The following MLLT1 variants were observed in gnomAD, a reference collection of about 807,000 sequenced individuals.
MLLT1 encodes MLLT1 super elongation complex subunit.
MLLT1 carries 11 observed loss-of-function variants against 55.1 expected under a neutral mutation model. The ratio of observed to expected loss-of-function variants is 0.20; its 90% CI spans 0.13 to 0.33. MLLT1 has a LOEUF of 0.33. MLLT1 is among the 10% of genes least tolerant of loss of function. The pLI is 1.00. For synonymous variants in MLLT1, 323 were observed against 320.1 expected (o/e 1.01, Z -0.10); for missense variants, 536 against 760.6 (o/e 0.70, Z 3.47).
intron 7 of MLLT1, 29 bp downstream of exon 7, chr19:6,217,925 C>T (rs368502695): frequency 1.6e-5 from 25 of 1,580,202 alleles, no homozygotes; most frequent in East Asian, 4.6e-5. Context: ...CGGCCCCATC[C>T]GTGCCCCCCA....
intron 3 of MLLT1, among the ~76,000 whole-genome samples, chr19:6,241,694 G>A (rs931430058): frequency 1.1e-4 from 17 of 152,208 alleles, no homozygotes; most frequent in Non-Finnish European, 2.2e-4. Flanking sequence ...TTCTCTGCCC[G>A]GCTCCAGACC....
intron 3 of MLLT1, among the ~76,000 whole-genome samples, chr19:6,252,994 T>C (rs1401869420): frequency 6.6e-6 from 1 of 152,012 alleles, no homozygotes; most frequent in African/African-American, 2.4e-5. Context: ...CTGGGCATGG[T>C]GGCTCACGAC....
chr19:6,271,444 C>T (rs1256442017), intron 1 of MLLT1, among the ~76,000 whole-genome samples: 1 of 152,108 alleles, frequency 6.6e-6, no homozygotes, highest in African/African-American at 2.4e-5. Flanking sequence ...CCTGCGGCCC[C>T]CTGGTGACCG....
intron 3 of MLLT1, among the ~76,000 whole-genome samples, chr19:6,243,571 C>T (rs2091136295): frequency 6.6e-6 from 1 of 152,198 alleles, no homozygotes; most frequent in Non-Finnish European, 1.5e-5. Context: ...GACTCGACCC[C>T]TTATGCAGGA....
In MLLT1 at chr19:6,230,851, T is replaced by G; in HGVS notation, c.277-138A>C. 1 of 1,074,104 alleles carries G rather than the reference T, an allele frequency of 9.3e-7. No homozygotes were observed. Among genetic ancestry groups the G allele is most frequent in the Non-Finnish European group, 1.4e-6 (1 of 740,442 alleles). 66.5% of individuals were successfully genotyped at this position (1,074,104 alleles called of 1,614,324 possible). ...CCTCCGATTTGCGCCCACTTCTCTC[T>G]CAGGGCACCTCCTGCCCTGCCCTTA... On this transcript the variant is annotated intron_variant, in intron 3 of 11. Transcript: ENST00000252674. This position sits in a 1 kb window ranked among gnomAD's most constrained non-coding sequence, Gnocchi z 9.0.
rs950288670 is a variant in MLLT1, at chr19:6,240,539, A to G, written c.277-9826T>C. ...GAACCCACCCCATATACAGGCACTC[A>G]AGTGCTACTCCTCATCACACGCTGG... On this transcript the variant is annotated intron_variant, in intron 3 of 11. Coordinates refer to ENST00000252674, the MANE Select transcript of MLLT1 (RefSeq NM_005934.4). The surrounding 1 kb of genome is among the most constrained non-coding windows in gnomAD (Gnocchi z 4.7). Among the ~76,000 whole-genome samples the G allele has an allele frequency of 6.6e-6, 1 of 152,156 alleles. No individual in the cohort carries two copies. The highest frequency in any genetic ancestry group is 2.4e-5 in the African/African-American group (1 of 41,436).
In MLLT1 at chr19:6,212,190, C is replaced by T. The variant is rs1041260525; in HGVS notation, c.*852G>A. 4.2e-5 allele frequency: 45 copies of T among 1,066,334 alleles called. No homozygotes were observed. Among genetic ancestry groups the T allele is most frequent in the East Asian group, 5.0e-5 (1 of 20,178 alleles). The allele number at this position is 1,066,334 out of a possible 1,614,324, so 66.1% of individuals were successfully genotyped here. A position where few individuals can be genotyped will look rare whatever the true frequency, so the allele number is the denominator to read the frequency against. On this transcript the variant is annotated 3_prime_UTR_variant, in exon 12 of 12. Coordinates refer to ENST00000252674, the MANE Select transcript of MLLT1 (RefSeq NM_005934.4). ...TGTTGGCGCTAGTCTGAGTAGAGCC[C>T]GAGAGCAGACTGGTGGCTCCCGGGC...
Position 6,210,571 on chromosome 19 carries a change from T to G in MLLT1, c.*2471A>C, listed in dbSNP as rs1568270542. 4.5e-6 allele frequency: 1 copy of G among 221,596 alleles called. No homozygotes were observed. Among genetic ancestry groups the G allele is most frequent in the Non-Finnish European group, 9.0e-6 (1 of 110,668 alleles). 13.7% of individuals were successfully genotyped at this position (221,596 alleles called of 1,614,324 possible). A position where few individuals can be genotyped will look rare whatever the true frequency, so the allele number is the denominator to read the frequency against. ...TGTCCTAGTTCCTAGTGAGACACGT[T>G]CTTTGTAAAAACCCTTATGGGCAAG... On this transcript the variant is annotated 3_prime_UTR_variant, in exon 12 of 12. Transcript: ENST00000252674. This position sits in a 1 kb window ranked among gnomAD's most constrained non-coding sequence, Gnocchi z 4.6.
chr19:6,225,365 C>G (rs1251187692), intron 5 of MLLT1, among the ~76,000 whole-genome samples: 1 of 152,222 alleles, frequency 6.6e-6, no homozygotes, highest in Non-Finnish European at 1.5e-5. Flanking sequence ...TGAGGCCCCT[C>G]TGCTTGGAGC....
chr19:6,274,821 C>T (rs1461810205), intron 1 of MLLT1, among the ~76,000 whole-genome samples: 2 of 152,188 alleles, frequency 1.3e-5, no homozygotes, highest in African/African-American at 2.4e-5. Context: ...TGGGCACGAG[C>T]GCTCCAAGGG....
At position 6,227,224 on chromosome 19, in the gene MLLT1, C is replaced by T. The variant is rs983675464; in HGVS notation, c.421-122G>A. Reference sequence around the variant, plus strand: ...GGAGAAGGGAGAGCCTGAGCGCTTTCCCGAAAGAATCCCAGGTGCTTCCCT... The same window carrying T: ...GGAGAAGGGAGAGCCTGAGCGCTTTTCCGAAAGAATCCCAGGTGCTTCCCT... On this transcript the variant is annotated intron_variant, in intron 4 of 11. Coordinates refer to ENST00000252674, the MANE Select transcript of MLLT1 (RefSeq NM_005934.4). The surrounding 1 kb of genome is among the most constrained non-coding windows in gnomAD (Gnocchi z 5.1). The T allele has an allele frequency of 2.9e-6, 3 of 1,051,084 alleles. No individual in the cohort carries two copies. Among genetic ancestry groups the T allele is most frequent in the Non-Finnish European group, 4.0e-6 (3 of 748,374 alleles). The allele number at this position is 1,051,084 out of a possible 1,614,324, so 65.1% of individuals were successfully genotyped here. A position where few individuals can be genotyped will look rare whatever the true frequency, so the allele number is the denominator to read the frequency against.
At chr19:6,245,028 G>A (rs1270771945) in intron 3 of MLLT1, among the ~76,000 whole-genome samples, 3 of 152,042 alleles carry the variant, frequency 2.0e-5, no homozygotes, top group African/African-American at 7.2e-5. Context: ...AAACAGTCTG[G>A]CAGTTACTCA....
At chr19:6,267,387 AC>A (rs1442518141) in intron 2 of MLLT1, among the ~76,000 whole-genome samples, 1 of 127,182 alleles carries the variant, frequency 7.9e-6, no homozygotes, top group Non-Finnish European at 1.7e-5. Context: ...GAACCACCGC[AC>A]CCGGCCAAAA....
rs978617328 is a variant in MLLT1, at chr19:6,256,550, C to T, written c.276+5678G>A. 2.6e-5 allele frequency among the ~76,000 whole-genome samples: 4 copies of T among 152,024 alleles called. No individual in the cohort carries two copies. The highest frequency in any genetic ancestry group is 9.7e-5 in the African/African-American group (4 of 41,382). ...TGGGTGGATCATGAGGTCAGGAGATCGAGACCATCCTGGCTAACACGGTGA... is the reference window on the plus strand; with the variant it reads ...TGGGTGGATCATGAGGTCAGGAGATTGAGACCATCCTGGCTAACACGGTGA... On this transcript the variant is annotated intron_variant, in intron 3 of 11. Coordinates refer to ENST00000252674, the MANE Select transcript of MLLT1 (RefSeq NM_005934.4). This position sits in a 1 kb window ranked among gnomAD's most constrained non-coding sequence, Gnocchi z 4.1.
At chr19:6,268,369 T>C (rs2091366157) in intron 2 of MLLT1, among the ~76,000 whole-genome samples, 2 of 150,438 alleles carry the variant, frequency 1.3e-5, no homozygotes, top group Admixed American at 6.6e-5. Context: ...TCAGTAAGTA[T>C]TGTCTACATT....
At position 6,248,996 on chromosome 19, in the gene MLLT1, G is replaced by A. The variant is rs142820803; in HGVS notation, c.276+13232C>T. On this transcript the variant is annotated intron_variant, in intron 3 of 11. Transcript: ENST00000252674. ...GGTTCAGTAACGAAGATTTTTATGC[G>A]TCTGGAGCAGCTTGGGTGTGTGAAT... 7.8e-4 allele frequency among the ~76,000 whole-genome samples: 118 copies of A among 152,250 alleles called. No homozygotes were observed. In the East Asian group the frequency reaches 0.021, roughly 27 times the overall value.
At chr19:6,254,657 ATGT>A (rs1337026577) in intron 3 of MLLT1, among the ~76,000 whole-genome samples, 2 of 152,208 alleles carry the variant, frequency 1.3e-5, no homozygotes, top group African/African-American at 2.4e-5. Context: ...GGTGTCAGAA[ATGT>A]TGTGAGTGGA....
At chr19:6,228,449 C>T (rs1003550716) in intron 4 of MLLT1, among the ~76,000 whole-genome samples, 1 of 152,184 alleles carries the variant, frequency 6.6e-6, no homozygotes, top group Non-Finnish European at 1.5e-5. Flanking sequence ...ACAAGTGCTG[C>T]CAGGAGGACC....
At chr19:6,234,350 C>T (rs543772704) in intron 3 of MLLT1, among the ~76,000 whole-genome samples, 34 of 152,334 alleles carry the variant, frequency 2.2e-4, no homozygotes, top group Non-Finnish European at 3.2e-4. Flanking sequence ...TCAGGAACAA[C>T]GGTCACATCC....
Sources: allele counts gnomAD v4.1 joint callset (sites outside exome capture counted in the v4.1 genomes callset), GRCh38; gene constraint gnomAD v4.1.1; non-coding constraint Gnocchi (gnomAD v3.1); transcripts MANE v1.5; gene names NCBI Gene and HGNC (gene_info 2026-07-23, HGNC 2026-07-21).